The following ASH2L variants were observed in gnomAD, a reference collection of about 807,000 sequenced individuals.
ASH2L encodes set1/Ash2 histone methyltransferase complex subunit ASH2.
Under a neutral mutation model 81.1 loss-of-function variants are expected in ASH2L, and 30 were observed. The ratio of observed to expected loss-of-function variants is 0.37; its 90% CI spans 0.28 to 0.50. The LOEUF is 0.50. Among genes scored for constraint, ASH2L ranks in the 20% least tolerant of loss-of-function variants. The pLI is 0.95. For synonymous variants in ASH2L, 273 were observed against 279.9 expected, an observed-to-expected ratio of 0.98 and a Z score of 0.24; for missense variants, 559 against 792.1, an observed-to-expected ratio of 0.71 and a Z score of 3.53.
Position 38,112,300 on chromosome 8 carries a change from C to CTTTATTTATTTA in ASH2L, c.585+1488_585+1499dup, listed in dbSNP as rs147185198. ...AGGCATAAACCAACACACCCAGCCC[C>CTTTATTTATTTA]TTTATTTATTTATTTATTTATTTAT... On this transcript the variant is annotated intron_variant, in intron 5 of 15. Transcript: ENST00000343823. Among the ~76,000 whole-genome samples the CTTTATTTATTTA allele has an allele frequency of 4.0e-3, 609 of 151,342 alleles. 3 individuals carry two copies. Among genetic ancestry groups the CTTTATTTATTTA allele is most frequent in the African/African-American group, 0.012 (494 of 41,212 alleles).
intron 10 of ASH2L, chr8:38,123,436 A>G (rs1281440945): frequency 6.6e-6 from 1 of 152,126 alleles, no homozygotes; most frequent in African/African-American, 2.4e-5. Flanking sequence ...AGATTATAGC[A>G]TTTATATATA....
At chr8:38,123,921 G>A (rs1419910002) in intron 10 of ASH2L, among the ~76,000 whole-genome samples, 2 of 152,040 alleles carry the variant, frequency 1.3e-5, no homozygotes, top group Non-Finnish European at 2.9e-5. Flanking sequence ...GCTCACTGCA[G>A]CCTTCACCTC....
At position 38,128,762 on chromosome 8, in the gene ASH2L, C is replaced by T. The variant is rs757255646; in HGVS notation, c.1338C>T (p.Asn446=). 30 of 1,609,698 alleles carry T rather than the reference C, an allele frequency of 1.9e-5. No individual in the cohort carries two copies. The East Asian group carries it at 6.0e-4, about 32-fold the overall frequency. Residue 446 remains asparagine (N), a synonymous_variant, in exon 12 of 16, where the codon AAC becomes AAT. Coordinates refer to ENST00000343823, the MANE Select transcript of ASH2L (RefSeq NM_004674.5). Reference sequence around the variant, plus strand: ...TGTATGTTTTTATTGGGACAGGAAACCTTCAAGCTCCTTTAGGTTATGATA... The same window carrying T: ...TGTATGTTTTTATTGGGACAGGAAATCTTCAAGCTCCTTTAGGTTATGATA... ...ARLGWSQPLG[N]LQAPLGYDKF...
intron 7 of ASH2L, 98 bp downstream of exon 7, chr8:38,115,098 C>T: frequency 1.3e-6 from 1 of 778,238 alleles, no homozygotes; most frequent in Non-Finnish European, 2.2e-6. Flanking sequence ...ACATAACACA[C>T]TGCCATTATA....
chr8:38,118,283 C>T (rs1389864770), intron 8 of ASH2L, among the ~76,000 whole-genome samples: 1 of 152,182 alleles, frequency 6.6e-6, no homozygotes, highest in Non-Finnish European at 1.5e-5. Flanking sequence ...AATTCCCAAG[C>T]TTGCCCCAAA....
chr8:38,138,982 G>T lies in ASH2L; in HGVS notation c.1798G>T (p.Gly600Cys), dbSNP rs559177457. Residue 600 changes from glycine to cysteine, a missense_variant, in exon 16 of 16, where the codon GGC becomes TGC. By Grantham distance (159) the Gly-to-Cys change is radical. This residue lies in a region of ASH2L where 95 missense variants were observed against 130.7 expected (regional missense o/e 0.73). Transcript: ENST00000343823. ...CCTGCAGATGAGTGACATGGGCTGG[G>T]GCGCCGTGGTAGAGCACACCCTGGC... ...TYRPMSDMGW[G>C]AVVEHTLADV... 21 of 1,613,982 alleles carry T rather than the reference G, an allele frequency of 1.3e-5. No individual in the cohort carries two copies. In the South Asian group the frequency reaches 2.2e-4, roughly 17 times the overall value.
intron 9 of ASH2L, among the ~76,000 whole-genome samples, chr8:38,120,721 A>G (rs1811110428): frequency 6.7e-6 from 1 of 148,988 alleles, no homozygotes; most frequent in Admixed American, 6.8e-5. Context: ...AAGTAATTTC[A>G]CCAAAACTAC....
intron 5 of ASH2L, among the ~76,000 whole-genome samples, chr8:38,112,300 C>CTTTATTTA (rs147185198): frequency 0.032 from 4,883 of 151,320 alleles, 242 homozygotes; most frequent in East Asian, 0.2. Context: ...CACCCAGCCC[C>CTTTATTTA]TTTATTTATT....
chr8:38,128,635 A>G (rs1482601735), intron 11 of ASH2L, 123 bp from the exon 12 acceptor site: 13 of 1,493,228 alleles, frequency 8.7e-6, no homozygotes, highest in Non-Finnish European at 1.2e-5. Context: ...CTTGTGAGAA[A>G]GTTTTTAAGC....
rs200780652 is a variant in ASH2L, at chr8:38,107,122, T to C, written c.357T>C (p.Ile119=). 7.4e-6 allele frequency: 12 copies of C among 1,613,966 alleles called. No homozygotes were observed. The Middle Eastern group carries it at 4.9e-4, about 66-fold the overall frequency. ...QLGEVELQCG[I]CTKWFTADTF... ...GTGAGGTAGAGCTGCAATGTGGGATTTGTACAAAATGGTTCACGGCTGACA... is the reference window on the plus strand; with the variant it reads ...GTGAGGTAGAGCTGCAATGTGGGATCTGTACAAAATGGTTCACGGCTGACA... Residue 119 remains isoleucine, a synonymous_variant, in exon 3 of 16, where the codon ATT becomes ATC. Transcript: ENST00000343823.
intron 10 of ASH2L, chr8:38,124,315 C>G (rs1176666007): frequency 6.8e-6 from 1 of 147,796 alleles, no homozygotes; most frequent in Non-Finnish European, 1.5e-5. Context: ...AAGCAATCTT[C>G]CCATCTTAGC....
intron 8 of ASH2L, 59 bp from the exon 9 acceptor site, chr8:38,119,211 A>G: frequency 6.9e-7 from 1 of 1,456,096 alleles, no homozygotes; most frequent in Non-Finnish European, 9.4e-7. Context: ...ATGGAATTTC[A>G]GTATCCACAT....
chr8:38,127,030 G>T (rs1264858658), intron 10 of ASH2L, among the ~76,000 whole-genome samples: 1 of 151,918 alleles, frequency 6.6e-6, no homozygotes, highest in African/African-American at 2.4e-5. Context: ...AGCTGGATGT[G>T]GTAGCACTTG....
intron 12 of ASH2L, among the ~76,000 whole-genome samples, chr8:38,129,333 G>A (rs1801968230): frequency 6.6e-6 from 1 of 152,158 alleles, no homozygotes; most frequent in Non-Finnish European, 1.5e-5. Context: ...GACCTAAACT[G>A]TTGAAATGTA....
In ASH2L at chr8:38,117,372, GTGTTATCTTTTTACAACA is replaced by G. The variant is rs981496895; in HGVS notation, c.853+649_853+666del. 9 of 807,036 alleles carry G rather than the reference GTGTTATCTTTTTACAACA, an allele frequency of 1.1e-5. No homozygotes were observed. In the African/African-American group the frequency reaches 1.7e-4, roughly 15 times the overall value. 50.0% of individuals were successfully genotyped at this position (807,036 alleles called of 1,614,324 possible). A position where few individuals can be genotyped will look rare whatever the true frequency, so the allele number is the denominator to read the frequency against. ...TTAAGGTGGGTTGGAAATAGCTAGT[GTGTTATCTTTTTACAACA>G]TATTTTCCCGTTTTAATTGTTAAAA... On this transcript the variant is annotated intron_variant, in intron 8 of 15. Transcript: ENST00000343823.
intron 3 of ASH2L, among the ~76,000 whole-genome samples, chr8:38,107,866 ATATGTGTGTGTG>A (rs1394871394): frequency 1.9e-5 from 2 of 105,998 alleles, no homozygotes; most frequent in Admixed American, 1.1e-4. Context: ...AGAAATACAT[ATATGTGTGTGTG>A]TGTGTGTGTG....
chr8:38,128,357 G>A lies in ASH2L; in HGVS notation c.1232G>A (p.Arg411Lys). The change falls in exon 11 of 16, where the codon AGG (arginine) becomes AAG (lysine). Residue 411 changes from arginine to lysine, a missense_variant. By Grantham distance (26) the Arg-to-Lys change is conservative (BLOSUM62 2). Transcript: ENST00000343823. ...GGAGAGAAGGGCTACTCTATGGTGAGGGCCTCTCATGGAGTACGGAAAGGT... is the reference window on the plus strand; with the variant it reads ...GGAGAGAAGGGCTACTCTATGGTGAAGGCCTCTCATGGAGTACGGAAAGGT... ...VVGEKGYSMV[R>K]ASHGVRKGAW... The A allele has an allele frequency of 6.2e-7, 1 of 1,614,140 alleles. No homozygotes were observed. The highest frequency in any genetic ancestry group is 8.5e-7 in the Non-Finnish European group (1 of 1,180,022).
chr8:38,116,622 C>T (rs780724541), intron 7 of ASH2L, 28 bp from the exon 8 acceptor site: 19 of 1,579,694 alleles, frequency 1.2e-5, no homozygotes, highest in East Asian at 8.9e-5. Context: ...TACGTAGACT[C>T]CTTTTTTAAT....
At chr8:38,121,335 A>AC (rs1563255616) in intron 10 of ASH2L, among the ~76,000 whole-genome samples, 186 bp downstream of exon 10, 2 of 54,682 alleles carry the variant, frequency 3.7e-5, no homozygotes, top group East Asian at 1.0e-3. Flanking sequence ...CGTTTTATTT[A>AC]TATATATATA....
Sources: gnomAD v4.1 joint callset for allele counts (sites outside exome capture counted in the v4.1 genomes callset) on GRCh38, gnomAD v4.1.1 for gene constraint, gnomAD v4.1.1 regional missense constraint, MANE v1.5 for transcripts, NCBI Gene and HGNC (gene_info 2026-07-23, HGNC 2026-07-21) for gene names.